Variants in PLEKHA7 observed in about 807,000 individuals in gnomAD.
PLEKHA7 encodes pleckstrin homology domain containing A7, also known as pleckstrin homology domain-containing family A member 7.
A neutral mutation model predicts 170.0 loss-of-function variants in PLEKHA7; 104 were observed. That is an observed-to-expected ratio of 0.61 (90% CI 0.52 to 0.72). The LOEUF (loss-of-function observed/expected upper bound fraction) is 0.72, where lower values mean the gene tolerates loss of function less well. Ranked by LOEUF, PLEKHA7 falls within the 30% of genes least tolerant of loss-of-function variation. PLEKHA7 has a pLI of 0.00. For synonymous variants in PLEKHA7, 648 were observed against 660.8 expected, an observed-to-expected ratio of 0.98 and a Z score of 0.30; for missense variants, 1,615 against 1,671.7, an observed-to-expected ratio of 0.97 and a Z score of 0.59.
chr11:16,927,417 C>A (rs1859636600), intron 3 of PLEKHA7, among the ~76,000 whole-genome samples: 2 of 152,062 alleles, frequency 1.3e-5, no homozygotes, highest in African/African-American at 4.8e-5. Flanking sequence ...GCTTGGAGGC[C>A]AGAGTAAAGA....
intron 3 of PLEKHA7, among the ~76,000 whole-genome samples, chr11:16,971,681 G>C (rs1389228571): frequency 1.3e-5 from 2 of 152,018 alleles, no homozygotes; most frequent in African/African-American, 4.8e-5. Context: ...ATACATATTT[G>C]AATTATTATC....
At chr11:17,003,287 A>G (rs902989577) in intron 3 of PLEKHA7, among the ~76,000 whole-genome samples, 3 of 152,188 alleles carry the variant, frequency 2.0e-5, no homozygotes, top group African/African-American at 7.2e-5. Context: ...CACCACACCC[A>G]GCCCAAGGTT....
rs778545101 is a variant in PLEKHA7 at position 16,826,223 on chromosome 11, G to A, written c.1240C>T (p.Arg414Trp). ...GGGTTGGTCCTGGGAGGAAAGGCCC[G>A]CTGGTACCCACCAGTCCCATTCTGT... ...GEQNGTGGYQRAFPPRTNPEK... is the reference protein window; with the variant it reads ...GEQNGTGGYQWAFPPRTNPEK... Residue 414 changes from arginine (R) to tryptophan (W), a missense_variant, in exon 10 of 27, where the codon CGG becomes TGG. Arg to Trp is a moderately radical substitution (Grantham distance 101). Transcript: ENST00000531066. The A allele has an allele frequency of 2.2e-5, 35 of 1,614,116 alleles. No homozygotes were observed. The highest frequency in any genetic ancestry group is 2.7e-5 in the Non-Finnish European group (32 of 1,180,048).
intron 4 of PLEKHA7, among the ~76,000 whole-genome samples, chr11:16,858,498 T>C (rs1413688446): frequency 6.6e-6 from 1 of 152,032 alleles, no homozygotes. Context: ...ACAAATTTTT[T>C]TTTTTTTTTT....
In PLEKHA7 at chr11:16,791,084, C is replaced by T. The variant is rs1256008057; in HGVS notation, c.2861G>A (p.Arg954Gln). The change falls in exon 20 of 27, where the codon CGG becomes CAG. Residue 954 changes from arginine (R) to glutamine (Q), a missense_variant. By Grantham distance (43) the Arg-to-Gln change is conservative (BLOSUM62 1). Coordinates refer to ENST00000531066, the MANE Select transcript of PLEKHA7 (RefSeq NM_001329630.2). The surrounding 1 kb of genome is among the most constrained non-coding windows in gnomAD (Gnocchi z 4.5). ...EATIIRHTSV[R>Q]GLKRQSDERK... is the part of the protein sequence containing the mutation. ...CTCGTCTGACTGCCGCTTGAGGCCC[C>T]GCACAGATGTGTGCCGGATGATGGT... 5 of 1,614,056 alleles carry T rather than the reference C, an allele frequency of 3.1e-6. No homozygotes were observed. The highest frequency in any genetic ancestry group is 2.7e-5 in the African/African-American group (2 of 74,938).
intron 24 of PLEKHA7, among the ~76,000 whole-genome samples, chr11:16,784,531 C>T (rs1419944865): frequency 6.6e-6 from 1 of 152,212 alleles, no homozygotes; most frequent in Non-Finnish European, 1.5e-5. Context: ...AGGAAAATGG[C>T]CCCAAATTTC....
intron 3 of PLEKHA7, among the ~76,000 whole-genome samples, chr11:16,934,873 T>C (rs929340606): frequency 2.0e-5 from 3 of 152,240 alleles, no homozygotes; most frequent in African/African-American, 7.2e-5. Flanking sequence ...TTGAAATTTT[T>C]ATCTCTTACA....
chr11:16,926,845 C>T (rs1163636162), intron 3 of PLEKHA7, among the ~76,000 whole-genome samples: 1 of 152,198 alleles, frequency 6.6e-6, no homozygotes, highest in African/African-American at 2.4e-5. Flanking sequence ...CAAAGAGGCC[C>T]TTATGTCTGT....
chr11:16,838,951 G>A (rs1161192245), intron 9 of PLEKHA7, among the ~76,000 whole-genome samples: 1 of 152,080 alleles, frequency 6.6e-6, no homozygotes, highest in Non-Finnish European at 1.5e-5. Context: ...CTCCCAAAGT[G>A]CTGGGATTAC....
chr11:16,927,847 T>C (rs906250978), intron 3 of PLEKHA7, among the ~76,000 whole-genome samples: 3 of 152,246 alleles, frequency 2.0e-5, no homozygotes, highest in Non-Finnish European at 4.4e-5. Context: ...AATGATCTAA[T>C]TGTACGACAG....
chr11:16,985,251 G>A (rs1331758039), intron 3 of PLEKHA7, among the ~76,000 whole-genome samples: 1 of 152,212 alleles, frequency 6.6e-6, no homozygotes, highest in Non-Finnish European at 1.5e-5. Flanking sequence ...ACCTAGTTGT[G>A]TCCTTACATT....
At chr11:16,803,196 G>A in intron 14 of PLEKHA7, 31 bp downstream of exon 14, 1 of 1,604,426 alleles carries the variant, frequency 6.2e-7, no homozygotes. Flanking sequence ...GGAGGCAGCT[G>A]AGGGGTCAGC....
At chr11:16,822,501 G>GAAA (rs1564962408) in intron 10 of PLEKHA7, among the ~76,000 whole-genome samples, 41 of 126,340 alleles carry the variant, frequency 3.2e-4, no homozygotes, top group South Asian at 1.6e-3. Flanking sequence ...TTTTGGTAGG[G>GAAA]GAAAAAAAAA....
In PLEKHA7 at chr11:17,003,407, T is replaced by C. The variant is rs367920930; in HGVS notation, c.221+10582A>G. Among the ~76,000 whole-genome samples the C allele has an allele frequency of 1.6e-4, 25 of 152,322 alleles. No individual in the cohort carries two copies. The South Asian group carries it at 4.8e-3, about 29-fold the overall frequency. On this transcript the variant is annotated intron_variant, in intron 3 of 26. Coordinates refer to ENST00000531066, the MANE Select transcript of PLEKHA7 (RefSeq NM_001329630.2). ...GCACCAGACTTCTGCAGCCAATGAA[T>C]GCAATTAGGACTCAGAAGTCATGTC... is the stretch of plus-strand genomic sequence containing the variant.
intron 17 of PLEKHA7, among the ~76,000 whole-genome samples, chr11:16,797,765 G>C (rs1357092755): frequency 6.6e-6 from 1 of 152,186 alleles, no homozygotes; most frequent in African/African-American, 2.4e-5. Context: ...TGAGTGTTGA[G>C]AACAGGTAAA....
intron 3 of PLEKHA7, among the ~76,000 whole-genome samples, chr11:16,934,073 G>C (rs566115039): frequency 6.6e-6 from 1 of 152,286 alleles, no homozygotes; most frequent in Admixed American, 6.5e-5. Context: ...GGAGAGGCTG[G>C]AGACAGGAGA....
chr11:16,902,431 T>C (rs1857400106), intron 3 of PLEKHA7, among the ~76,000 whole-genome samples: 1 of 152,242 alleles, frequency 6.6e-6, no homozygotes. Flanking sequence ...GCTTCCAAGG[T>C]GGCTCCACCA....
At chr11:16,895,178 G>C (rs369428941) in intron 3 of PLEKHA7, among the ~76,000 whole-genome samples, 102 of 152,228 alleles carry the variant, frequency 6.7e-4, no homozygotes, top group African/African-American at 2.3e-3. Flanking sequence ...TTTAATATAA[G>C]AAGCTATCTT....
At position 16,904,625 on chromosome 11, in the gene PLEKHA7, CTGAA is replaced by C. The variant is rs549043948; in HGVS notation, c.222-33447_222-33444del. On this transcript the variant is annotated intron_variant, in intron 3 of 26. Coordinates refer to ENST00000531066, the MANE Select transcript of PLEKHA7 (RefSeq NM_001329630.2). ...ATGCATATCTCTTCTGCATATTTCT[CTGAA>C]TATTACTGCTTATTTGTGGAAAATT... Among the ~76,000 whole-genome samples the C allele has an allele frequency of 1.7e-3, 257 of 152,270 alleles. 1 individual carries two copies. Among genetic ancestry groups the C allele is most frequent in the Non-Finnish European group, 3.4e-3 (229 of 68,020 alleles).
Sources: gnomAD v4.1 joint callset for allele counts (sites outside exome capture counted in the v4.1 genomes callset) on GRCh38, gnomAD v4.1.1 for gene constraint, Gnocchi (gnomAD v3.1) non-coding constraint, MANE v1.5 for transcripts, NCBI Gene and HGNC (gene_info 2026-07-23, HGNC 2026-07-21) for gene names.